Variants in EML4 observed in about 807,000 individuals in gnomAD.
EML4 encodes EMAP like 4.
In EML4, 72 loss-of-function variants were observed where a neutral mutation model predicts 129.0. The ratio of observed to expected loss-of-function variants is 0.56; its 90% CI spans 0.46 to 0.68. The LOEUF (loss-of-function observed/expected upper bound fraction) is 0.68. EML4 is among the 30% of genes least tolerant of loss of function. The pLI is 0.00. For synonymous variants in EML4, 532 were observed against 405.0 expected, an observed-to-expected ratio of 1.31 and a Z score of -3.77; for missense variants, 1,363 against 1,190.6, an observed-to-expected ratio of 1.14 and a Z score of -2.13.
Position 42,303,172 on chromosome 2 carries a change from A to T in EML4, c.1710A>T (p.Thr570=), listed in dbSNP as rs760351083. The T allele has an allele frequency of 2.6e-5, 42 of 1,614,080 alleles. No homozygotes were observed. Among genetic ancestry groups the T allele is most frequent in the Non-Finnish European group, 3.2e-5 (38 of 1,180,014 alleles). ...EGKADQFLVG[T]SRNFILRGTF... ...AGGCAGATCAATTTTTAGTAGGCAC[A>T]TCACGAAACTTTATTTTACGAGGAA... The change falls in exon 15 of 23, where the codon ACA becomes ACT. Residue 570 remains threonine, a synonymous_variant. Transcript: ENST00000318522.
At chr2:42,292,286 C>A (rs976436229) in intron 11 of EML4, among the ~76,000 whole-genome samples, 1 of 152,156 alleles carries the variant, frequency 6.6e-6, no homozygotes, top group African/African-American at 2.4e-5. Context: ...CCAAATTGTT[C>A]ATCTCGGCAG....
chr2:42,295,307 T>G, intron 12 of EML4, 48 bp downstream of exon 12: 1 of 1,595,760 alleles, frequency 6.3e-7, no homozygotes, highest in Non-Finnish European at 8.5e-7. Flanking sequence ...AGACTTTAAT[T>G]TTTTTAATTG....
At chr2:42,298,292 TGCTTTTTATGGAA>T (rs1406438995) in intron 13 of EML4, among the ~76,000 whole-genome samples, 1 of 152,228 alleles carries the variant, frequency 6.6e-6, no homozygotes, top group Non-Finnish European at 1.5e-5. Flanking sequence ...AGTGTAAACT[TGCTTTTTATGGAA>T]GCTTTGTGTC....
intron 1 of EML4, among the ~76,000 whole-genome samples, chr2:42,230,208 G>A (rs1674243980): frequency 6.6e-6 from 1 of 152,114 alleles, no homozygotes; most frequent in South Asian, 2.1e-4. Context: ...ACTGTTTGGA[G>A]AGTTATTGCA....
chr2:42,243,004 C>T (rs1301992674), intron 1 of EML4, among the ~76,000 whole-genome samples: 2 of 152,080 alleles, frequency 1.3e-5, no homozygotes, highest in South Asian at 2.1e-4. Flanking sequence ...TCTCGAACTC[C>T]TGGGATCAAG....
At chr2:42,169,733 G>A in intron 1 of EML4, 97 bp downstream of exon 1, 1 of 1,400,872 alleles carries the variant, frequency 7.1e-7, no homozygotes, top group South Asian at 1.3e-5. Flanking sequence ...CTGCCCCTCG[G>A]GGTGGCAGCG....
chr2:42,272,096 A>G (rs1027247422), intron 6 of EML4, among the ~76,000 whole-genome samples: 5 of 142,896 alleles, frequency 3.5e-5, no homozygotes, highest in Non-Finnish European at 6.2e-5. Context: ...AAAAAAAAAA[A>G]CCCTGTCCAA....
rs1423580657 is a variant in EML4 at position 42,301,468 on chromosome 2, T to C, written c.1641+76T>C. On this transcript the variant is annotated intron_variant, in intron 14 of 22. Coordinates refer to ENST00000318522, the MANE Select transcript of EML4 (RefSeq NM_019063.5). ...TTTTGTCCCACATTAAGATAACTTATACTTTTCTGGCAAACTTATTAAATT... is the reference window on the plus strand; with the variant it reads ...TTTTGTCCCACATTAAGATAACTTACACTTTTCTGGCAAACTTATTAAATT... 6.8e-6 allele frequency: 8 copies of C among 1,168,782 alleles called. No individual in the cohort carries two copies. In the Admixed American group the frequency reaches 1.1e-4, roughly 16 times the overall value. 72.4% of individuals were successfully genotyped at this position (1,168,782 alleles called of 1,614,324 possible).
intron 2 of EML4, among the ~76,000 whole-genome samples, chr2:42,255,693 C>T (rs1483389585): frequency 6.6e-6 from 1 of 152,054 alleles, no homozygotes; most frequent in Non-Finnish European, 1.5e-5. Context: ...AGCAGGTCTC[C>T]TGCTTCCTGT....
At chr2:42,206,043 T>C (rs576977983) in intron 1 of EML4, among the ~76,000 whole-genome samples, 1 of 152,330 alleles carries the variant, frequency 6.6e-6, no homozygotes, top group East Asian at 1.9e-4. Flanking sequence ...TTATCACTCA[T>C]TTGACAATTA....
chr2:42,245,619 A>T lies in EML4; in HGVS notation c.140A>T (p.Asp47Val). 6.2e-7 allele frequency: 1 copy of T among 1,613,782 alleles called. No homozygotes were observed. The highest frequency in any genetic ancestry group is 8.5e-7 in the Non-Finnish European group (1 of 1,179,810). The change falls in exon 2 of 23, where the codon GAT (aspartate) becomes GTT (valine). Residue 47 changes from aspartate (D) to valine (V), a missense_variant. Transcript: ENST00000318522. ...EITVLKAALA[D>V]VLRRLAISED... ...ACTGTGCTAAAGGCGGCTTTGGCTG[A>T]TGTTTTGAGGCGTCTTGCAATCTCT...
intron 16 of EML4, among the ~76,000 whole-genome samples, chr2:42,303,794 G>A (rs561542506): frequency 2.0e-5 from 3 of 152,102 alleles, no homozygotes; most frequent in African/African-American, 4.8e-5. Flanking sequence ...GCGTGGTGGT[G>A]GGCGCCTGTA....
In EML4 at chr2:42,245,564, T is replaced by G. The variant is rs755776562; in HGVS notation, c.85T>G (p.Ser29Ala). 3 of 1,613,924 alleles carry G rather than the reference T, an allele frequency of 1.9e-6. No individual in the cohort carries two copies. Among genetic ancestry groups the G allele is most frequent in the East Asian group, 4.5e-5 (2 of 44,854 alleles). The change falls in exon 2 of 23, where the codon TCA becomes GCA. Residue 29 changes from serine to alanine, a missense_variant. By Grantham distance (99) the Ser-to-Ala change is moderately conservative. Transcript: ENST00000318522. ...TCAAGATCGCCTGTCAGCTCTTGAG[T>G]CACGAGTTCAGCAACAAGAAGATGA... ...DVQDRLSALE[S>A]RVQQQEDEIT...
At chr2:42,170,793 A>C (rs532879951) in intron 1 of EML4, among the ~76,000 whole-genome samples, 1 of 152,348 alleles carries the variant, frequency 6.6e-6, no homozygotes, top group South Asian at 2.1e-4. Context: ...TCTTGATAAT[A>C]AGTCTCTACT....
intron 19 of EML4, among the ~76,000 whole-genome samples, chr2:42,318,760 T>C (rs1488347501): frequency 2.6e-5 from 4 of 152,142 alleles, no homozygotes; most frequent in Admixed American, 6.6e-5. Context: ...AGGGTCTTAC[T>C]CTGTCACCCA....
rs187958194 is a variant in EML4, at chr2:42,287,193, T to C, written c.1122+814T>C. 6.2e-4 allele frequency among the ~76,000 whole-genome samples: 95 copies of C among 152,310 alleles called. 1 individual carries two copies. Among genetic ancestry groups the C allele is most frequent in the African/African-American group, 2.2e-3 (93 of 41,558 alleles). ...GTGGGACATGGAGGAAAGGACACTT[T>C]TAGAGCAGAAAGATAAATTTTAGTG... On this transcript the variant is annotated intron_variant, in intron 10 of 22. Coordinates refer to ENST00000318522, the MANE Select transcript of EML4 (RefSeq NM_019063.5).
At chr2:42,186,105 T>C (rs1164018568) in intron 1 of EML4, among the ~76,000 whole-genome samples, 1 of 152,246 alleles carries the variant, frequency 6.6e-6, no homozygotes, top group Admixed American at 6.5e-5. Context: ...GCTTTTTTAC[T>C]GAACTTTGCT....
At chr2:42,181,368 G>A (rs748588500) in intron 1 of EML4, among the ~76,000 whole-genome samples, 6 of 151,984 alleles carry the variant, frequency 3.9e-5, no homozygotes, top group Admixed American at 1.3e-4. Context: ...GTGCGATCAC[G>A]GCTCACCGCA....
At position 42,322,630 on chromosome 2, in the gene EML4, T is replaced by G. The variant is rs544112475; in HGVS notation, c.2155-2837T>G. On this transcript the variant is annotated intron_variant, in intron 19 of 22. Coordinates refer to ENST00000318522, the MANE Select transcript of EML4 (RefSeq NM_019063.5). ...TTTTGTGGTAACGCCATATGGCTATTTAATGACAATAATGAAAGGGCCAGC... is the reference window on the plus strand; with the variant it reads ...TTTTGTGGTAACGCCATATGGCTATGTAATGACAATAATGAAAGGGCCAGC... Among the ~76,000 whole-genome samples the G allele has an allele frequency of 5.9e-5, 9 of 152,372 alleles. No homozygotes were observed. In the East Asian group the frequency reaches 1.7e-3, roughly 29 times the overall value.
Sources: allele counts gnomAD v4.1 joint callset (sites outside exome capture counted in the v4.1 genomes callset), GRCh38; gene constraint gnomAD v4.1.1; transcripts MANE v1.5; gene names NCBI Gene and HGNC (gene_info 2026-07-23, HGNC 2026-07-21).